TTC39B: variants seen among roughly 807,000 people sequenced by gnomAD.
TTC39B encodes tetratricopeptide repeat domain 39B, also known as tetratricopeptide repeat protein 39B.
A neutral mutation model predicts 96.6 loss-of-function variants in TTC39B; 92 were observed. That is an observed-to-expected ratio of 0.95 (90% CI 0.80 to 1.13). TTC39B has a LOEUF of 1.13. TTC39B is among the 50% of genes most tolerant of loss of function. The probability of loss-of-function intolerance (pLI) is 0.00; values close to 1 mark genes in which losing one functional copy is unlikely to be tolerated. For synonymous variants in TTC39B, 367 were observed against 299.4 expected (o/e 1.23, Z -2.33); for missense variants, 955 against 809.3 (o/e 1.18, Z -2.18).
At chr9:15,232,180 C>T (rs1371725329) in intron 2 of TTC39B, 1 of 152,682 alleles carries the variant, frequency 6.5e-6, no homozygotes, top group African/African-American at 2.4e-5. Flanking sequence ...CAAGTATATA[C>T]CCATCTGCTT....
rs575942139 is a variant in TTC39B at position 15,253,748 on chromosome 9, G to C, written c.275+14166C>G. On this transcript the variant is annotated intron_variant, in intron 2 of 19. Transcript: ENST00000512701. ...TTCAAGTATTTTCTCTTTGAAATGG[G>C]CTTGTAAGGGTTTTGTCATAACAAT... Among the ~76,000 whole-genome samples, 362 of 152,120 alleles carry C rather than the reference G, an allele frequency of 2.4e-3. 1 individual carries two copies. The highest frequency in any genetic ancestry group is 3.9e-3 in the Non-Finnish European group (268 of 67,994).
chr9:15,187,451 T>C (rs1233672493), intron 14 of TTC39B, among the ~76,000 whole-genome samples: 4 of 152,210 alleles, frequency 2.6e-5, no homozygotes, highest in African/African-American at 9.7e-5. Flanking sequence ...TAAAACCTCA[T>C]GTTTAAAATA....
intron 1 of TTC39B, among the ~76,000 whole-genome samples, chr9:15,278,176 G>A (rs1240897238): frequency 6.6e-6 from 1 of 152,028 alleles, no homozygotes; most frequent in African/African-American, 2.4e-5. Flanking sequence ...TTAAGGCAGG[G>A]GTTAAGTCCT....
Position 15,294,485 on chromosome 9 carries a change from A to G in TTC39B, c.240+12599T>C, listed in dbSNP as rs185636220. Among the ~76,000 whole-genome samples, 3 of 152,346 alleles carry G rather than the reference A, an allele frequency of 2.0e-5. No individual in the cohort carries two copies. In the East Asian group the frequency reaches 5.8e-4, roughly 29 times the overall value. Reference sequence around the variant, plus strand: ...CAACACCATTTATGTGTCAGCGACCAAATGCTGTTTCCAAAATATTGCTGG... The same window carrying G: ...CAACACCATTTATGTGTCAGCGACCGAATGCTGTTTCCAAAATATTGCTGG... On this transcript the variant is annotated intron_variant, in intron 1 of 19. Transcript: ENST00000512701.
At chr9:15,205,398 C>A (rs896301957) in intron 6 of TTC39B, among the ~76,000 whole-genome samples, 1 of 152,232 alleles carries the variant, frequency 6.6e-6, no homozygotes, top group South Asian at 2.1e-4. Flanking sequence ...GCCACCCCCA[C>A]CCTACACACA....
At position 15,266,808 on chromosome 9, in the gene TTC39B, A is replaced by G. The variant is rs546970120; in HGVS notation, c.275+1106T>C. Among the ~76,000 whole-genome samples, 81 of 152,284 alleles carry G rather than the reference A, an allele frequency of 5.3e-4. 1 individual carries two copies. The highest frequency in any genetic ancestry group is 1.7e-3 in the African/African-American group (69 of 41,568). On this transcript the variant is annotated intron_variant, in intron 2 of 19. Coordinates refer to ENST00000512701, the Ensembl canonical transcript of TTC39B. ...TAAGAAAGGACATCAGGCAGGGCGC[A>G]GTGGCTCACGCCTGTAATCCCAGCA...
chr9:15,303,151 G>A, intron 1 of TTC39B, among the ~76,000 whole-genome samples: 1 of 152,018 alleles, frequency 6.6e-6, no homozygotes, highest in Non-Finnish European at 1.5e-5. Context: ...CTGGGCAACA[G>A]AGGGAGACTC....
chr9:15,211,057 T>C (rs1423209051), intron 5 of TTC39B, among the ~76,000 whole-genome samples: 1 of 135,034 alleles, frequency 7.4e-6, no homozygotes, highest in Non-Finnish European at 1.6e-5. Flanking sequence ...CCCCCCCAGA[T>C]CTCTGTAGCT....
At chr9:15,233,987 G>A (rs1821608436) in intron 2 of TTC39B, among the ~76,000 whole-genome samples, 1 of 150,828 alleles carries the variant, frequency 6.6e-6, no homozygotes, top group Non-Finnish European at 1.5e-5. Context: ...TCTGAGATGT[G>A]GGGAGCGCCT....
chr9:15,172,180 C>A, intron 19 of TTC39B, 71 bp from the exon 20 acceptor site: 2 of 1,019,906 alleles, frequency 2.0e-6, no homozygotes, highest in Non-Finnish European at 3.0e-6. Context: ...CTCTCCCATT[C>A]CTCTCTCTGA....
At chr9:15,291,256 A>G (rs1382090970) in intron 1 of TTC39B, among the ~76,000 whole-genome samples, 3 of 152,212 alleles carry the variant, frequency 2.0e-5, no homozygotes, top group African/African-American at 7.2e-5. Flanking sequence ...GGAGGGACCC[A>G]GTGGGAGGGA....
intron 5 of TTC39B, among the ~76,000 whole-genome samples, chr9:15,210,487 A>G (rs947227150): frequency 1.3e-5 from 2 of 152,234 alleles, no homozygotes. Flanking sequence ...TCCACAGGTT[A>G]AAAATGAAGT....
intron 6 of TTC39B, among the ~76,000 whole-genome samples, chr9:15,207,983 CAAAAAAAA>C (rs531829809): frequency 0.099 from 8,396 of 84,620 alleles, 341 homozygotes; most frequent in South Asian, 0.13. Context: ...GACTTGGTCT[CAAAAAAAA>C]AAAAAAAAAA....
intron 1 of TTC39B, among the ~76,000 whole-genome samples, chr9:15,272,758 T>A (rs995718477): frequency 1.3e-5 from 2 of 152,210 alleles, no homozygotes; most frequent in Non-Finnish European, 2.9e-5. Flanking sequence ...CATGGACTCT[T>A]AGCAAATCAT....
chr9:15,255,676 T>C (rs1384953436), intron 2 of TTC39B, among the ~76,000 whole-genome samples: 1 of 152,070 alleles, frequency 6.6e-6, no homozygotes, highest in East Asian at 1.9e-4. Flanking sequence ...CTGACACTCA[T>C]TTATGCAAAC....
At chr9:15,280,305 C>T (rs1403115612) in intron 1 of TTC39B, among the ~76,000 whole-genome samples, 1 of 152,192 alleles carries the variant, frequency 6.6e-6, no homozygotes, top group Non-Finnish European at 1.5e-5. Context: ...ACTGAGATCA[C>T]AGAGTCCTCA....
exon 20 of TTC39B, chr9:15,170,538 C>A (rs983174795): frequency 1.3e-5 from 2 of 152,144 alleles, no homozygotes; most frequent in African/African-American, 4.8e-5. Flanking sequence ...ATTGAGCCCT[C>A]ACAAGTACCA....
intron 2 of TTC39B, among the ~76,000 whole-genome samples, chr9:15,250,968 G>T (rs199650722): frequency 5.3e-5 from 8 of 151,582 alleles, no homozygotes; most frequent in African/African-American, 1.7e-4. Flanking sequence ...GAGGCTGAGG[G>T]GGGCAGATCA....
At chr9:15,267,482 G>A (rs1823177867) in intron 2 of TTC39B, among the ~76,000 whole-genome samples, 1 of 152,188 alleles carries the variant, frequency 6.6e-6, no homozygotes, top group Non-Finnish European at 1.5e-5. Flanking sequence ...TAACAATGGA[G>A]AAGCAGGTAA....
Sources: gnomAD v4.1 joint callset for allele counts (sites outside exome capture counted in the v4.1 genomes callset) on GRCh38, gnomAD v4.1.1 for gene constraint, MANE v1.5 for transcripts, NCBI Gene and HGNC (gene_info 2026-07-23, HGNC 2026-07-21) for gene names.